Variants in MDFIC2 observed in about 807,000 individuals in gnomAD.
The protein encoded by MDFIC2 is MyoD family inhibitor domain containing 2, also known as myoD family inhibitor domain-containing protein 2.
intron 2 of MDFIC2, among the ~76,000 whole-genome samples, chr3:70,222,495 G>A (rs1701469835): frequency 6.6e-6 from 1 of 152,154 alleles, no homozygotes; most frequent in South Asian, 2.1e-4. Flanking sequence ...TTGGTTTTCG[G>A]TAAAGCAATT....
intron 2 of MDFIC2, among the ~76,000 whole-genome samples, chr3:70,305,455 G>C (rs375415009): frequency 8.5e-5 from 13 of 152,232 alleles, no homozygotes; most frequent in African/African-American, 3.1e-4. Context: ...ATATTTAAAT[G>C]AGATACAAAA....
At chr3:70,281,114 C>T (rs1105031) in intron 2 of MDFIC2, among the ~76,000 whole-genome samples, 41,189 of 151,998 alleles carry the variant, frequency 0.27, 5,641 homozygotes, top group South Asian at 0.32. Flanking sequence ...CTTTTGTGAA[C>T]TGATTTTTCA....
intron 2 of MDFIC2, among the ~76,000 whole-genome samples, chr3:70,210,318 A>G (rs1701330956): frequency 1.3e-5 from 2 of 152,078 alleles, no homozygotes; most frequent in South Asian, 2.1e-4. Flanking sequence ...TTTTAATTCT[A>G]TATCTCTGTT....
At chr3:70,239,767 T>G (rs900513528) in intron 2 of MDFIC2, among the ~76,000 whole-genome samples, 1 of 152,138 alleles carries the variant, frequency 6.6e-6, no homozygotes, top group East Asian at 1.9e-4. Flanking sequence ...TATCGCCCTA[T>G]GTTATGATTA....
At chr3:70,233,551 C>T (rs1052352847) in intron 2 of MDFIC2, among the ~76,000 whole-genome samples, 1 of 152,168 alleles carries the variant, frequency 6.6e-6, no homozygotes, top group Non-Finnish European at 1.5e-5. Flanking sequence ...TGACTTTTGA[C>T]ATATGTGTGC....
At chr3:70,283,208 C>T (rs540888901) in intron 2 of MDFIC2, among the ~76,000 whole-genome samples, 32 of 152,244 alleles carry the variant, frequency 2.1e-4, no homozygotes, top group African/African-American at 7.2e-4. Context: ...ATCCCAGCTT[C>T]ATCAGGAATG....
intron 2 of MDFIC2, among the ~76,000 whole-genome samples, chr3:70,253,096 GAA>G (rs913789110): frequency 4.6e-5 from 7 of 151,762 alleles, no homozygotes. Context: ...AAAAAAAATC[GAA>G]GAGAAACTAA....
intron 2 of MDFIC2, among the ~76,000 whole-genome samples, chr3:70,297,668 G>A (rs114612782): frequency 1.6e-3 from 236 of 152,104 alleles, no homozygotes; most frequent in African/African-American, 5.4e-3. Context: ...TATGTAAAAC[G>A]AGGAGTTAAA....
rs368702443 is a variant in MDFIC2, at chr3:70,305,623, C to T, written c.88+6263G>A. Among the ~76,000 whole-genome samples, 21 of 152,216 alleles carry T rather than the reference C, an allele frequency of 1.4e-4. No individual in the cohort carries two copies. In the East Asian group the frequency reaches 1.7e-3, roughly 13 times the overall value. On this transcript the variant is annotated intron_variant, in intron 2 of 3. Coordinates refer to ENST00000567252, the MANE Select transcript of MDFIC2 (RefSeq NM_001364677.1). ...TTCTTTGTCTCACATGTTTTCTCTG[C>T]GTTCAAGAGGAGCCACATCAAATGG...
At chr3:70,222,418 A>G (rs1270251376) in intron 2 of MDFIC2, among the ~76,000 whole-genome samples, 1 of 152,126 alleles carries the variant, frequency 6.6e-6, no homozygotes, top group Admixed American at 6.6e-5. Flanking sequence ...TTTTAAATCT[A>G]TTTTAATAAT....
chr3:70,272,538 T>C (rs1477060352), intron 2 of MDFIC2, among the ~76,000 whole-genome samples: 1 of 152,248 alleles, frequency 6.6e-6, no homozygotes, highest in Non-Finnish European at 1.5e-5. Flanking sequence ...TGTTTTTAGG[T>C]AATATGAATA....
chr3:70,276,570 G>C (rs1404666136), intron 2 of MDFIC2, among the ~76,000 whole-genome samples: 1 of 152,072 alleles, frequency 6.6e-6, no homozygotes, highest in Admixed American at 6.6e-5. Context: ...TCTGTGCTTT[G>C]TGTTAGACAC....
intron 2 of MDFIC2, among the ~76,000 whole-genome samples, chr3:70,262,262 G>A (rs777317327): frequency 3.7e-4 from 57 of 152,228 alleles, no homozygotes; most frequent in Non-Finnish European, 7.2e-4. Context: ...CTGAAAACAG[G>A]CAGTGAAGCT....
rs1377504224 is a variant in MDFIC2, at chr3:70,194,916, A to G, written c.*2010T>C. ...GGTGGGTGCTCAGAGAGGAGCCAAG[A>G]GGGATGGGACATAAGGAAGCACTAG... On this transcript the variant is annotated 3_prime_UTR_variant, in exon 4 of 4. Transcript: ENST00000567252. Among the ~76,000 whole-genome samples the G allele has an allele frequency of 6.6e-6, 1 of 152,144 alleles. No homozygotes were observed. The highest frequency in any genetic ancestry group is 1.5e-5 in the Non-Finnish European group (1 of 68,020).
chr3:70,204,241 C>T (rs1419048473), intron 3 of MDFIC2, among the ~76,000 whole-genome samples: 2 of 152,122 alleles, frequency 1.3e-5, no homozygotes, highest in East Asian at 3.9e-4. Context: ...ATTCTCTTTT[C>T]CCTTCTGTTT....
chr3:70,273,924 C>T (rs1701997571), intron 2 of MDFIC2, among the ~76,000 whole-genome samples: 1 of 152,000 alleles, frequency 6.6e-6, no homozygotes, highest in South Asian at 2.1e-4. Context: ...CTCCTTGGCC[C>T]CCAGAGCAGC....
At chr3:70,298,628 G>A (rs2106699581) in intron 2 of MDFIC2, among the ~76,000 whole-genome samples, 1 of 152,212 alleles carries the variant, frequency 6.6e-6, no homozygotes, top group East Asian at 1.9e-4. Flanking sequence ...CTGTGCTGAA[G>A]CTCGTGTTTA....
chr3:70,228,158 G>T (rs1402322460), intron 2 of MDFIC2, among the ~76,000 whole-genome samples: 2 of 151,906 alleles, frequency 1.3e-5, no homozygotes, highest in East Asian at 3.9e-4. Flanking sequence ...TGTCTTTACT[G>T]TCCTTAATTT....
At chr3:70,285,740 G>A (rs1483866894) in intron 2 of MDFIC2, among the ~76,000 whole-genome samples, 1 of 151,552 alleles carries the variant, frequency 6.6e-6, no homozygotes, top group Non-Finnish European at 1.5e-5. Context: ...ACTTTTTAAT[G>A]ATTGCCATTC....
Sources: allele counts gnomAD v4.1 joint callset (sites outside exome capture counted in the v4.1 genomes callset), GRCh38; gene constraint gnomAD v4.1.1; transcripts MANE v1.5; gene names NCBI Gene and HGNC (gene_info 2026-07-23, HGNC 2026-07-21).